The following SDK1 variants were observed in gnomAD, a reference collection of about 807,000 sequenced individuals.
SDK1 encodes the protein sidekick cell adhesion molecule 1.
A neutral mutation model predicts 245.5 loss-of-function variants in SDK1; 157 were observed. The ratio of observed to expected loss-of-function variants is 0.64; its 90% CI spans 0.56 to 0.73. The LOEUF (loss-of-function observed/expected upper bound fraction) is 0.73, where lower values mean the gene tolerates loss of function less well. Among genes scored for constraint, SDK1 ranks in the 30% least tolerant of loss-of-function variants. SDK1 has a pLI of 0.00. For synonymous variants in SDK1, 1,647 were observed against 1,278.5 expected (o/e 1.29, Z -6.15); for missense variants, 3,583 against 3,002.3 (o/e 1.19, Z -4.52).
chr7:3,940,089 A>G (rs975694751), intron 5 of SDK1, among the ~76,000 whole-genome samples: 2 of 152,088 alleles, frequency 1.3e-5, no homozygotes, highest in African/African-American at 4.8e-5. Context: ...GCAGAAACTG[A>G]CCTACAGAAC....
intron 4 of SDK1, among the ~76,000 whole-genome samples, chr7:3,658,534 C>T (rs562966988): frequency 2.8e-4 from 42 of 150,086 alleles, no homozygotes; most frequent in African/African-American, 9.5e-4. Context: ...CCGTAATGTT[C>T]ACATTTTCAC....
intron 30 of SDK1, among the ~76,000 whole-genome samples, chr7:4,156,072 C>T (rs570372642): frequency 3.9e-5 from 6 of 152,166 alleles, no homozygotes; most frequent in African/African-American, 1.4e-4. Context: ...CTCAGTTTCA[C>T]GATGCCTGTG....
intron 5 of SDK1, among the ~76,000 whole-genome samples, chr7:3,867,110 A>G (rs991106912): frequency 2.0e-5 from 3 of 152,236 alleles, no homozygotes; most frequent in African/African-American, 7.2e-5. Flanking sequence ...GTGGTGCTGT[A>G]AAAGCTAAGA....
At chr7:3,856,589 A>G (rs965356935) in intron 5 of SDK1, among the ~76,000 whole-genome samples, 3 of 152,024 alleles carry the variant, frequency 2.0e-5, no homozygotes, top group Non-Finnish European at 2.9e-5. Flanking sequence ...TCAGGAGTTC[A>G]AGACCAGCCT....
In SDK1 at chr7:4,265,412, G is replaced by C; in HGVS notation, c.*28G>C. The C allele has an allele frequency of 2.1e-6, 3 of 1,410,154 alleles. No homozygotes were observed. Among genetic ancestry groups the C allele is most frequent in the Non-Finnish European group, 2.7e-6 (3 of 1,091,088 alleles). The allele number at this position is 1,410,154 out of a possible 1,614,324, so 87.4% of individuals were successfully genotyped here. Reference sequence around the variant, plus strand: ...AAAGCGCCGCGCCTCCCTCAGGGCGGAACGGAGGCAACTTTCCGGAGTCTA... The same window carrying C: ...AAAGCGCCGCGCCTCCCTCAGGGCGCAACGGAGGCAACTTTCCGGAGTCTA... On this transcript the variant is annotated 3_prime_UTR_variant, in exon 45 of 45. Coordinates refer to ENST00000404826, the MANE Select transcript of SDK1 (RefSeq NM_152744.4).
chr7:4,163,834 A>G (rs1562374686), intron 32 of SDK1, among the ~76,000 whole-genome samples: 1 of 152,192 alleles, frequency 6.6e-6, no homozygotes, highest in Non-Finnish European at 1.5e-5. Flanking sequence ...CTCTTGCTGT[A>G]TGATCCTATG....
chr7:4,214,811 C>G (rs972217037), intron 38 of SDK1, among the ~76,000 whole-genome samples: 35 of 152,386 alleles, frequency 2.3e-4, no homozygotes, highest in African/African-American at 7.9e-4. Context: ...AGACATGACA[C>G]CTGGCTCTGA....
chr7:4,205,463 A>G (rs1210444373), intron 35 of SDK1, among the ~76,000 whole-genome samples: 1 of 152,134 alleles, frequency 6.6e-6, no homozygotes, highest in East Asian at 1.9e-4. Context: ...CAATGCTTTG[A>G]TCTCACAGCA....
chr7:4,045,535 T>C (rs1352236253), intron 17 of SDK1, among the ~76,000 whole-genome samples: 2 of 152,072 alleles, frequency 1.3e-5, no homozygotes, highest in Admixed American at 6.6e-5. Context: ...TGTGAGCCAC[T>C]ATGCCCCGCT....
At chr7:3,734,123 C>T (rs17133776) in intron 4 of SDK1, among the ~76,000 whole-genome samples, 3,032 of 152,270 alleles carry the variant, frequency 0.02, 107 homozygotes, top group African/African-American at 0.069. Flanking sequence ...TCATCTTCTT[C>T]ATGGCAGGTA....
chr7:3,602,640 GAT>G (rs1781288793), intron 1 of SDK1, among the ~76,000 whole-genome samples: 7 of 151,620 alleles, frequency 4.6e-5, no homozygotes, highest in African/African-American at 1.7e-4. Context: ...TGTTCACTCT[GAT>G]GTTAGTTTCT....
intron 1 of SDK1, among the ~76,000 whole-genome samples, chr7:3,474,099 T>TTTTG (rs1562508153): frequency 1.2e-4 from 15 of 125,020 alleles, no homozygotes; most frequent in African/African-American, 4.7e-4. Context: ...GTGTTTTTTT[T>TTTTG]TTTTTTTTTT....
intron 5 of SDK1, among the ~76,000 whole-genome samples, chr7:3,875,141 G>C (rs1169719483): frequency 1.3e-5 from 2 of 152,192 alleles, no homozygotes. Context: ...TCCCAGATAA[G>C]CAAATGGTTG....
intron 5 of SDK1, among the ~76,000 whole-genome samples, chr7:3,931,082 C>G (rs1779960500): frequency 6.6e-6 from 1 of 152,192 alleles, no homozygotes; most frequent in Non-Finnish European, 1.5e-5. Flanking sequence ...TTGGAGAGCA[C>G]TTCTAATCCG....
At chr7:4,120,513 T>TA (rs1432023543) in intron 25 of SDK1, among the ~76,000 whole-genome samples, 1 of 149,098 alleles carries the variant, frequency 6.7e-6, no homozygotes, top group African/African-American at 2.5e-5. Context: ...TATACCCAGA[T>TA]AAACTAATCT....
chr7:3,501,191 T>C (rs947742652), intron 1 of SDK1, among the ~76,000 whole-genome samples: 1 of 152,170 alleles, frequency 6.6e-6, no homozygotes, highest in African/African-American at 2.4e-5. Flanking sequence ...TTGAGCTCTT[T>C]TCTTGGGGTA....
chr7:3,432,702 T>C (rs1779893335), intron 1 of SDK1, among the ~76,000 whole-genome samples: 2 of 152,150 alleles, frequency 1.3e-5, no homozygotes, highest in Admixed American at 1.3e-4. Flanking sequence ...TGCACTGTCA[T>C]AGAAGAGTGT....
chr7:4,036,552 A>G (rs1788233798), intron 17 of SDK1, among the ~76,000 whole-genome samples: 3 of 152,186 alleles, frequency 2.0e-5, no homozygotes, highest in Non-Finnish European at 4.4e-5. Context: ...CTTTGAATCC[A>G]TACATTTTAC....
intron 1 of SDK1, among the ~76,000 whole-genome samples, chr7:3,331,109 CA>C (rs1339027233): frequency 7.2e-5 from 11 of 151,880 alleles, no homozygotes; most frequent in African/African-American, 2.7e-4. Flanking sequence ...ACTAAAAATA[CA>C]AAAATTAGCT....
Sources: gnomAD v4.1 joint callset for allele counts (sites outside exome capture counted in the v4.1 genomes callset) on GRCh38, gnomAD v4.1.1 for gene constraint, MANE v1.5 for transcripts, NCBI Gene and HGNC (gene_info 2026-07-23, HGNC 2026-07-21) for gene names.